Variants in MTMR1 observed in about 807,000 individuals in gnomAD.
MTMR1 encodes the protein myotubularin related protein 1.
A neutral mutation model predicts 51.6 loss-of-function variants in MTMR1; 17 were observed. The ratio of observed to expected loss-of-function variants is 0.33; its 90% confidence interval spans 0.23 to 0.49. The LOEUF (loss-of-function observed/expected upper bound fraction) is 0.49, where lower values mean the gene tolerates loss of function less well. Among genes scored for constraint, MTMR1 ranks in the 20% least tolerant of loss-of-function variants. MTMR1 has a pLI of 0.99. For missense variants in MTMR1, 386 were observed against 526.9 expected, an observed-to-expected ratio of 0.73 and a Z score of 2.62; for synonymous variants, 201 against 205.6, an observed-to-expected ratio of 0.98 and a Z score of 0.19.
Position 150,757,652 on chromosome X carries a change from G to A in MTMR1, c.1857+1787G>A, listed in dbSNP as rs1250856321. Among the ~76,000 whole-genome samples, 4 of 111,924 alleles carry A rather than the reference G, an allele frequency of 3.6e-5. No individual in the cohort carries two copies. The East Asian group carries it at 1.1e-3, about 32-fold the overall frequency. The stretch of plus-strand genomic sequence containing the variant: ...CCTGCTTGAAGCAGATCCCCCGTGT[G>A]AATGAGCCGCCCTTTGTGTCTTCAC... On this transcript the variant is annotated intron_variant, in intron 15 of 15. Transcript: ENST00000445323.
chrX:150,756,162 TTA>T (rs2042897588), intron 15 of MTMR1, among the ~76,000 whole-genome samples: 1 of 111,662 alleles, frequency 9.0e-6, no homozygotes, highest in Non-Finnish European at 1.9e-5. Context: ...ATAAACTACT[TTA>T]CCTGCAGATA....
chrX:150,753,055 C>T (rs892515807), intron 14 of MTMR1, among the ~76,000 whole-genome samples: 8 of 111,744 alleles, frequency 7.2e-5, no homozygotes, highest in Admixed American at 1.9e-4. Flanking sequence ...TCTGTCTCTA[C>T]GGATTTGCCA....
chrX:150,737,648 G>A, intron 12 of MTMR1, among the ~76,000 whole-genome samples, 200 bp downstream of exon 12: 1 of 112,391 alleles, frequency 8.9e-6, no homozygotes, highest in South Asian at 3.6e-4. Flanking sequence ...TTTTATTTTA[G>A]TGTATTTATG....
intron 2 of MTMR1, among the ~76,000 whole-genome samples, chrX:150,701,752 G>A (rs142977311): frequency 0.017 from 1,900 of 112,042 alleles, 32 homozygotes; most frequent in African/African-American, 0.057. Flanking sequence ...GGCTAAGATG[G>A]GAGGATCACT....
chrX:150,744,336 C>T (rs1432836205), intron 12 of MTMR1, 25 bp from the exon 13 acceptor site: 5 of 1,172,363 alleles, frequency 4.3e-6, no homozygotes, highest in Non-Finnish European at 5.8e-6. Context: ...TACGTTAAAA[C>T]GTTTAACCTT....
chrX:150,730,817 C>G (rs2042095359), intron 8 of MTMR1, among the ~76,000 whole-genome samples: 1 of 111,921 alleles, frequency 8.9e-6, no homozygotes, highest in Non-Finnish European at 1.9e-5. Flanking sequence ...CATCCTGTTT[C>G]CAGAGGGTGA....
Position 150,698,727 on chromosome X carries a change from A to ACACAC in MTMR1, c.147-468_147-467insCACAC, listed in dbSNP as rs1557415824. Among the ~76,000 whole-genome samples, 43 of 85,973 alleles carry ACACAC rather than the reference A, an allele frequency of 5.0e-4. No individual in the cohort carries two copies. The East Asian group carries it at 9.5e-3, about 19-fold the overall frequency. 74.7% of individuals were successfully genotyped at this position (85,973 alleles called of 115,157 possible). On this transcript the variant is annotated intron_variant, in intron 1 of 15. Transcript: ENST00000445323. Reference sequence around the variant, plus strand: ...ACACACACACACACACACACACACAAAAGCCGGGCCTGGTGGCATGTGCCT... The same window carrying ACACAC: ...ACACACACACACACACACACACACAACACACAAGCCGGGCCTGGTGGCATGTGCCT...
intron 1 of MTMR1, among the ~76,000 whole-genome samples, chrX:150,698,676 GCGCGCACACACA>G (rs1232809224): frequency 6.2e-4 from 33 of 53,086 alleles, no homozygotes; most frequent in African/African-American, 2.4e-3. Context: ...GTCTACACGC[GCGCGCACACACA>G]CACACACACA....
chrX:150,726,081 C>T (rs936226739), intron 4 of MTMR1, among the ~76,000 whole-genome samples: 6 of 111,904 alleles, frequency 5.4e-5, no homozygotes, highest in African/African-American at 9.8e-5. Flanking sequence ...CTGTTAGGAA[C>T]GGGGCTGCAC....
At position 150,731,472 on chromosome X, in the gene MTMR1, C is replaced by T. The variant is rs1557416988; in HGVS notation, c.744C>T (p.Gly248=). The part of the protein sequence containing the change: ...YDPVSEYKRQ[G]LPNESWKISK... ...CTTCTTTCTCCAACACCTTACAGGG[C>T]TTGCCAAATGAGAGTTGGAAAATAT... Residue 248 remains glycine, a splice_region_variant and synonymous_variant, in exon 9 of 16, where the codon GGC becomes GGT. Coordinates refer to ENST00000445323, the MANE Select transcript of MTMR1 (RefSeq NM_001306144.3). 5.0e-6 allele frequency: 6 copies of T among 1,190,131 alleles called. No homozygotes were observed. The highest frequency in any genetic ancestry group is 6.8e-6 in the Non-Finnish European group (6 of 884,267).
At chrX:150,744,593 T>C in intron 13 of MTMR1, 140 bp downstream of exon 13, 2 of 516,553 alleles carry the variant, frequency 3.9e-6, no homozygotes, top group Non-Finnish European at 6.2e-6. Flanking sequence ...TCTAATTCGC[T>C]TAGAAATATA....
chrX:150,707,121 G>C (rs1408283905), intron 2 of MTMR1, among the ~76,000 whole-genome samples: 1 of 111,497 alleles, frequency 9.0e-6, no homozygotes, highest in Non-Finnish European at 1.9e-5. Context: ...AACTCAAAAT[G>C]AATCACAAAC....
intron 2 of MTMR1, among the ~76,000 whole-genome samples, chrX:150,701,762 T>A (rs2040914808): frequency 8.9e-6 from 1 of 112,279 alleles, no homozygotes; most frequent in Non-Finnish European, 1.9e-5. Flanking sequence ...GGAGGATCAC[T>A]TGAGTCCAGG....
chrX:150,748,658 AAAAAAAC>A (rs1294855277), intron 13 of MTMR1, among the ~76,000 whole-genome samples: 31 of 99,114 alleles, frequency 3.1e-4, no homozygotes, highest in African/African-American at 4.2e-4. Context: ...TCTTTACAAA[AAAAAAAC>A]AAAAAACAAA....
Position 150,762,952 on chromosome X carries a change from C to T in MTMR1, c.*223C>T. ...GCCCACCCTGTGAAGCAACTTCTGG[C>T]ATTCAGGCAGCTTGGGAGAAACTAA... On this transcript the variant is annotated 3_prime_UTR_variant, in exon 16 of 16. Transcript: ENST00000445323. 1 of 350,815 alleles carries T rather than the reference C, an allele frequency of 2.9e-6. No individual in the cohort carries two copies. Among genetic ancestry groups the T allele is most frequent in the Non-Finnish European group, 4.8e-6 (1 of 206,772 alleles). 28.9% of individuals were successfully genotyped at this position (350,815 alleles called of 1,213,427 possible). A position where few individuals can be genotyped will look rare whatever the true frequency, so the allele number is the denominator to read the frequency against.
chrX:150,728,806 T>C (rs1162029978), intron 6 of MTMR1, among the ~76,000 whole-genome samples: 4 of 110,401 alleles, frequency 3.6e-5, no homozygotes, highest in African/African-American at 1.3e-4. Context: ...CTATTTATTT[T>C]GATTCAATCT....
At position 150,762,972 on chromosome X, in the gene MTMR1, A is replaced by T; in HGVS notation, c.*243A>T. 3.1e-6 allele frequency: 1 copy of T among 326,786 alleles called. No homozygotes were observed. The highest frequency in any genetic ancestry group is 5.0e-5 in the East Asian group (1 of 20,104). 26.9% of individuals were successfully genotyped at this position (326,786 alleles called of 1,213,427 possible). On this transcript the variant is annotated 3_prime_UTR_variant, in exon 16 of 16. Transcript: ENST00000445323. ...TCTGGCATTCAGGCAGCTTGGGAGA[A>T]ACTAAGTGAACGGAATGCAGTACTG...
rs782324095 is a variant in MTMR1 at position 150,762,837 on chromosome X, C to T, written c.*108C>T. ...TGATCTTGTCTTTTAGGATTAGGCCCAGGGACCATTTGTGTGGCTAGGTGA... is the reference window on the plus strand; with the variant it reads ...TGATCTTGTCTTTTAGGATTAGGCCTAGGGACCATTTGTGTGGCTAGGTGA... On this transcript the variant is annotated 3_prime_UTR_variant, in exon 16 of 16. Coordinates refer to ENST00000445323, the MANE Select transcript of MTMR1 (RefSeq NM_001306144.3). 1.4e-5 allele frequency: 13 copies of T among 903,267 alleles called. No individual in the cohort carries two copies. The Admixed American group carries it at 5.5e-4, about 38-fold the overall frequency. The allele number at this position is 903,267 out of a possible 1,213,427, so 74.4% of individuals were successfully genotyped here.
chrX:150,693,140 C>T (rs1433576647), upstream of MTMR1: 2 of 112,413 alleles, frequency 1.8e-5, no homozygotes, highest in Admixed American at 9.3e-5. Flanking sequence ...GCAGTCAACC[C>T]GGTGTGACTA....
Sources: allele counts gnomAD v4.1 joint callset (sites outside exome capture counted in the v4.1 genomes callset), GRCh38; gene constraint gnomAD v4.1.1; transcripts MANE v1.5; gene names NCBI Gene and HGNC (gene_info 2026-07-23, HGNC 2026-07-21).